SLCO6A1: variants seen among roughly 807,000 people sequenced by gnomAD.
SLCO6A1 encodes the protein solute carrier organic anion transporter family member 6A1, also known as cancer/testis antigen 48.
SLCO6A1 carries 65 observed loss-of-function variants against 72.7 expected under a neutral mutation model. The ratio of observed to expected loss-of-function variants is 0.89; its 90% CI spans 0.73 to 1.10. The LOEUF (loss-of-function observed/expected upper bound fraction) is 1.10. SLCO6A1 is among the 50% of genes least tolerant of loss of function. The probability of loss-of-function intolerance (pLI) is 0.00; values close to 1 mark genes in which losing one functional copy is unlikely to be tolerated. For missense variants in SLCO6A1, 874 were observed against 872.6 expected (o/e 1.00, Z -0.02); for synonymous variants, 314 against 298.2 (o/e 1.05, Z -0.55).
chr5:102,437,629 T>G (rs899256609), intron 7 of SLCO6A1, among the ~76,000 whole-genome samples: 3 of 152,122 alleles, frequency 2.0e-5, no homozygotes, highest in Non-Finnish European at 2.9e-5. Context: ...TATTTTGGCT[T>G]TTTGGATAAT....
intron 4 of SLCO6A1, among the ~76,000 whole-genome samples, chr5:102,462,738 A>G (rs1457085230): frequency 6.6e-6 from 1 of 152,178 alleles, no homozygotes; most frequent in Admixed American, 6.5e-5. Context: ...AATCAACTCA[A>G]GTCTTACCTT....
chr5:102,464,184 A>C (rs986233431), intron 4 of SLCO6A1, among the ~76,000 whole-genome samples: 1 of 152,168 alleles, frequency 6.6e-6, no homozygotes, highest in African/African-American at 2.4e-5. Context: ...TTCCCCAAAA[A>C]CTATCGAAAT....
intron 7 of SLCO6A1, among the ~76,000 whole-genome samples, chr5:102,436,858 A>C (rs1749564466): frequency 6.6e-6 from 1 of 152,190 alleles, no homozygotes; most frequent in Non-Finnish European, 1.5e-5. Flanking sequence ...TTATATTCTC[A>C]TTTTGGGATG....
chr5:102,430,441 T>C (rs1398002521), intron 7 of SLCO6A1, among the ~76,000 whole-genome samples: 1 of 152,328 alleles, frequency 6.6e-6, no homozygotes, highest in Non-Finnish European at 1.5e-5. Context: ...GGGTTTGTCA[T>C]AGATGGCTCT....
At chr5:102,467,922 A>G (rs1361463768) in intron 4 of SLCO6A1, among the ~76,000 whole-genome samples, 1 of 152,038 alleles carries the variant, frequency 6.6e-6, no homozygotes, top group African/African-American at 2.4e-5. Flanking sequence ...GTGTGACCTT[A>G]GATGGTCTAA....
chr5:102,422,516 AG>A (rs1748663552), intron 7 of SLCO6A1, among the ~76,000 whole-genome samples: 1 of 152,226 alleles, frequency 6.6e-6, no homozygotes, highest in South Asian at 2.1e-4. Context: ...AGTGGAAGAA[AG>A]GATATCAGAG....
At chr5:102,381,731 C>T (rs75985486) in intron 12 of SLCO6A1, among the ~76,000 whole-genome samples, 17 of 134,282 alleles carry the variant, frequency 1.3e-4, no homozygotes, top group Middle Eastern at 7.9e-3. Context: ...CAATATTTAT[C>T]TTTTTTTTTT....
chr5:102,428,545 T>C (rs1749041158), intron 7 of SLCO6A1, among the ~76,000 whole-genome samples: 1 of 152,104 alleles, frequency 6.6e-6, no homozygotes, highest in Non-Finnish European at 1.5e-5. Context: ...GCAGGTTAGT[T>C]ATATAGGTAA....
At chr5:102,448,014 A>G (rs1750210130) in intron 6 of SLCO6A1, among the ~76,000 whole-genome samples, 1 of 152,226 alleles carries the variant, frequency 6.6e-6, no homozygotes, top group Non-Finnish European at 1.5e-5. Flanking sequence ...GTTTAGCACT[A>G]TAAACTTCCT....
intron 1 of SLCO6A1, among the ~76,000 whole-genome samples, chr5:102,491,777 C>A (rs1225942167): frequency 1.3e-5 from 2 of 152,250 alleles, no homozygotes; most frequent in Admixed American, 1.3e-4. Context: ...CCTTGGCCAG[C>A]CCAGAAAGGG....
intron 12 of SLCO6A1, among the ~76,000 whole-genome samples, chr5:102,382,822 G>A (rs1391201724): frequency 6.6e-6 from 1 of 150,554 alleles, no homozygotes; most frequent in Non-Finnish European, 1.5e-5. Context: ...TTTAAATGCC[G>A]ATTTTATCCT....
chr5:102,390,427 C>A (rs1220760399), intron 11 of SLCO6A1, among the ~76,000 whole-genome samples: 2 of 152,098 alleles, frequency 1.3e-5, no homozygotes, highest in African/African-American at 4.8e-5. Flanking sequence ...AAATTATATG[C>A]CTTTCAGTCT....
At chr5:102,462,626 T>C (rs139286033) in intron 4 of SLCO6A1, among the ~76,000 whole-genome samples, 1 of 152,032 alleles carries the variant, frequency 6.6e-6, no homozygotes, top group Non-Finnish European at 1.5e-5. Flanking sequence ...AACAAAAATT[T>C]TAATCGGGGA....
At chr5:102,441,311 A>G (rs1478219620) in intron 6 of SLCO6A1, among the ~76,000 whole-genome samples, 1 of 152,202 alleles carries the variant, frequency 6.6e-6, no homozygotes, top group Non-Finnish European at 1.5e-5. Flanking sequence ...AAATAGCCCA[A>G]TTGGCTATCA....
At chr5:102,474,462 C>T (rs1241008545) in intron 4 of SLCO6A1, among the ~76,000 whole-genome samples, 1 of 151,976 alleles carries the variant, frequency 6.6e-6, no homozygotes, top group African/African-American at 2.4e-5. Context: ...GGCTTGAAAC[C>T]ATAAAGTTCC....
At chr5:102,424,094 C>T (rs772810481) in intron 7 of SLCO6A1, among the ~76,000 whole-genome samples, 4 of 151,920 alleles carry the variant, frequency 2.6e-5, no homozygotes, top group Admixed American at 6.6e-5. Context: ...AGACAAGGTA[C>T]CAGAATCTCT....
At chr5:102,475,591 C>G (rs1580497365) in intron 4 of SLCO6A1, 106 bp downstream of exon 4, 2 of 642,440 alleles carry the variant, frequency 3.1e-6, no homozygotes. Context: ...TTTTCTAAAA[C>G]TATGGTTATT....
chr5:102,451,499 T>C (rs974462583), intron 6 of SLCO6A1, among the ~76,000 whole-genome samples: 4 of 152,156 alleles, frequency 2.6e-5, no homozygotes, highest in African/African-American at 9.7e-5. Flanking sequence ...GCCCTGGGAT[T>C]TGGCATGTAC....
chr5:102,429,967 A>G (rs1465050469), intron 7 of SLCO6A1, among the ~76,000 whole-genome samples: 2 of 151,956 alleles, frequency 1.3e-5, no homozygotes, highest in Non-Finnish European at 2.9e-5. Flanking sequence ...TGTTTGTGTC[A>G]TCTCTTATTT....
Sources: gnomAD v4.1 joint callset for allele counts (sites outside exome capture counted in the v4.1 genomes callset) on GRCh38, gnomAD v4.1.1 for gene constraint, MANE v1.5 for transcripts, NCBI Gene and HGNC (gene_info 2026-07-23, HGNC 2026-07-21) for gene names.